The following NR2F1-AS1 variants were observed in gnomAD, a reference collection of about 807,000 sequenced individuals.
NR2F1-AS1 encodes NR2F1 antisense RNA 1.
chr5:93,413,243 T>C (rs1222722490), intron 4 of NR2F1-AS1, among the ~76,000 whole-genome samples: 2 of 151,152 alleles, frequency 1.3e-5, no homozygotes, highest in Admixed American at 1.3e-4. Context: ...TATATATATA[T>C]ATGCTGATCT....
At chr5:93,482,908 CCT>C (rs1488913375) in intron 4 of NR2F1-AS1, among the ~76,000 whole-genome samples, 1 of 152,180 alleles carries the variant, frequency 6.6e-6, no homozygotes, top group Admixed American at 6.5e-5. Flanking sequence ...CTAGATTTCC[CCT>C]CTCTGGGCAG....
At chr5:93,489,874 G>A (rs1265928932) in intron 4 of NR2F1-AS1, among the ~76,000 whole-genome samples, 1 of 152,248 alleles carries the variant, frequency 6.6e-6, no homozygotes, top group African/African-American at 2.4e-5. Flanking sequence ...ATAGTCAGAT[G>A]TTTGGTCTAG....
At chr5:93,465,673 CCCAAATG>C (rs1327317172) in intron 4 of NR2F1-AS1, among the ~76,000 whole-genome samples, 1 of 142,084 alleles carries the variant, frequency 7.0e-6, no homozygotes, top group African/African-American at 3.0e-5. Flanking sequence ...TTGGAACCAA[CCCAAATG>C]CCATCAATGA....
upstream of NR2F1-AS1, among the ~76,000 whole-genome samples, chr5:93,581,816 GTC>G (rs1169995727): frequency 4.2e-5 from 1 of 23,704 alleles, no homozygotes; most frequent in African/African-American, 1.8e-4. Flanking sequence ...TCTCCCTCTC[GTC>G]TCTCTCTCTC....
chr5:93,566,292 GA>G (rs1305652804), intron 1 of NR2F1-AS1, among the ~76,000 whole-genome samples: 1 of 151,928 alleles, frequency 6.6e-6, no homozygotes, highest in East Asian at 1.9e-4. Context: ...AAAGCAAAGG[GA>G]AAGTATAAAC....
intron 4 of NR2F1-AS1, among the ~76,000 whole-genome samples, chr5:93,482,978 G>T (rs140305491): frequency 3.3e-5 from 5 of 152,170 alleles, no homozygotes; most frequent in African/African-American, 1.2e-4. Flanking sequence ...CTCCCATCTC[G>T]CTGGGACAGA....
intron 4 of NR2F1-AS1, among the ~76,000 whole-genome samples, chr5:93,553,022 A>T (rs1470599079): frequency 1.3e-5 from 2 of 152,172 alleles, no homozygotes; most frequent in African/African-American, 2.4e-5. Flanking sequence ...CTGGAATAGC[A>T]AACTTGCAAC....
intron 4 of NR2F1-AS1, among the ~76,000 whole-genome samples, chr5:93,483,621 A>T (rs991306634): frequency 1.3e-5 from 2 of 152,188 alleles, no homozygotes; most frequent in Non-Finnish European, 2.9e-5. Flanking sequence ...ACAGAAGTAG[A>T]CTTCAGAAGG....
intron 1 of NR2F1-AS1, among the ~76,000 whole-genome samples, chr5:93,578,119 G>A (rs890916464): frequency 2.4e-4 from 37 of 152,156 alleles, no homozygotes; most frequent in African/African-American, 8.7e-4. Context: ...GATATGGAGG[G>A]AGAGGATATG....
intron 4 of NR2F1-AS1, among the ~76,000 whole-genome samples, chr5:93,481,919 G>A (rs912262823): frequency 1.3e-5 from 2 of 151,774 alleles, no homozygotes; most frequent in Non-Finnish European, 2.9e-5. Flanking sequence ...AGTATCCAGG[G>A]GAAATTTTTA....
At chr5:93,518,450 C>T (rs776184993) in intron 4 of NR2F1-AS1, among the ~76,000 whole-genome samples, 1 of 151,978 alleles carries the variant, frequency 6.6e-6, no homozygotes, top group African/African-American at 2.4e-5. Flanking sequence ...TTTCAATAAC[C>T]CTTTCAGGGA....
chr5:93,505,011 T>G (rs1024838012), intron 4 of NR2F1-AS1, among the ~76,000 whole-genome samples: 1 of 152,142 alleles, frequency 6.6e-6, no homozygotes, highest in African/African-American at 2.4e-5. Context: ...ACCAGGCAAG[T>G]CCCTTCCGCC....
At chr5:93,477,819 G>T (rs1189675769) in intron 4 of NR2F1-AS1, among the ~76,000 whole-genome samples, 1 of 152,118 alleles carries the variant, frequency 6.6e-6, no homozygotes, top group Admixed American at 6.5e-5. Context: ...AACTCAAAAA[G>T]CATCTGAAGT....
At chr5:93,570,879 CT>C (rs2149927538) in intron 1 of NR2F1-AS1, 1 of 152,318 alleles carries the variant, frequency 6.6e-6, no homozygotes, top group African/African-American at 2.4e-5. Context: ...CGGGGCCGCG[CT>C]TAGGGTCGGA....
intron 4 of NR2F1-AS1, among the ~76,000 whole-genome samples, chr5:93,461,583 T>C (rs1750094432): frequency 1.3e-5 from 2 of 152,158 alleles, no homozygotes; most frequent in African/African-American, 4.8e-5. Context: ...AGAAAAAGTA[T>C]AATCCTTGAA....
rs531560175 is a variant in NR2F1-AS1 at position 93,576,909 on chromosome 5, C to T, written n.313+3558G>A. ...ATTTTCCCTGGAAAGAATAGCCATG[C>T]GGTTTTATTCTTCACTCAAGCTGGG... On this transcript the variant is annotated intron_variant and non_coding_transcript_variant, in intron 1 of 5. Coordinates refer to ENST00000660523, the Ensembl canonical transcript of NR2F1-AS1. Among the ~76,000 whole-genome samples, 22 of 152,128 alleles carry T rather than the reference C, an allele frequency of 1.4e-4. 1 individual carries two copies. Among genetic ancestry groups the T allele is most frequent in the Non-Finnish European group, 1.6e-4 (11 of 68,018 alleles).
At chr5:93,450,423 T>C (rs1749801589) in intron 4 of NR2F1-AS1, among the ~76,000 whole-genome samples, 1 of 152,272 alleles carries the variant, frequency 6.6e-6, no homozygotes, top group African/African-American at 2.4e-5. Context: ...AGAGAGAAAG[T>C]TACTATAAAA....
intron 4 of NR2F1-AS1, among the ~76,000 whole-genome samples, chr5:93,532,804 A>G (rs184633881): frequency 2.8e-4 from 42 of 152,362 alleles, no homozygotes; most frequent in African/African-American, 9.1e-4. Flanking sequence ...GCCATCATCA[A>G]TCATTTAATT....
At chr5:93,431,874 C>A (rs1749333277) in intron 4 of NR2F1-AS1, among the ~76,000 whole-genome samples, 1 of 152,042 alleles carries the variant, frequency 6.6e-6, no homozygotes. Flanking sequence ...GTTTTATAAG[C>A]CTGAAATAAA....
Sources: allele counts gnomAD v4.1 joint callset (sites outside exome capture counted in the v4.1 genomes callset), GRCh38; gene constraint gnomAD v4.1.1; transcripts MANE v1.5; gene names NCBI Gene and HGNC (gene_info 2026-07-23, HGNC 2026-07-21).